LATS2: variants seen among roughly 807,000 people sequenced by gnomAD.
LATS2 encodes the protein serine/threonine-protein kinase LATS2.
In LATS2, 24 loss-of-function variants were observed where a neutral mutation model predicts 76.0. The observed-to-expected ratio is 0.32, with a 90% CI of 0.23 to 0.44. The LOEUF (loss-of-function observed/expected upper bound fraction) is 0.44, where lower values mean the gene tolerates loss of function less well. LATS2 is among the 20% of genes least tolerant of loss of function. The pLI is 1.00. For missense variants in LATS2, 1,286 were observed against 1,481.2 expected (o/e 0.87, Z 2.16); for synonymous variants, 692 against 635.4 (o/e 1.09, Z -1.34).
intron 1 of LATS2, 115 bp from the exon 2 acceptor site, chr13:21,046,345 A>C (rs924659998): frequency 3.4e-6 from 1 of 294,178 alleles, no homozygotes; most frequent in Non-Finnish European, 6.4e-6. Context: ...GAAAGAAAAG[A>C]AAGAACGCAT....
Position 21,018,888 on chromosome 13 carries a change from C to T in LATS2, c.342+26797G>A, listed in dbSNP as rs191960793. Among the ~76,000 whole-genome samples the T allele has an allele frequency of 5.6e-4, 86 of 152,222 alleles. 1 individual carries two copies. The East Asian group carries it at 0.013, about 22-fold the overall frequency. ...CTTGAACTCCCGACCTCAAATAATC[C>T]GCCTGCCTTGGCCTCCCCAAGTGCT... On this transcript the variant is annotated intron_variant, in intron 2 of 7. Coordinates refer to ENST00000382592, the MANE Select transcript of LATS2 (RefSeq NM_014572.3).
At chr13:21,059,001 T>A (rs1873537175) in intron 1 of LATS2, among the ~76,000 whole-genome samples, 1 of 151,886 alleles carries the variant, frequency 6.6e-6, no homozygotes, top group Non-Finnish European at 1.5e-5. Flanking sequence ...TAGCACAAAT[T>A]TCCTAATAAT....
intron 2 of LATS2, among the ~76,000 whole-genome samples, chr13:20,993,145 C>T (rs563171124): frequency 6.6e-6 from 1 of 151,974 alleles, no homozygotes; most frequent in African/African-American, 2.4e-5. Context: ...TGGCCATGGT[C>T]ACAGAGCCAC....
intron 2 of LATS2, among the ~76,000 whole-genome samples, chr13:21,024,531 A>ATATCTAAAAGTTGAGTATGGCCC (rs1304112781): frequency 3.3e-5 from 5 of 152,072 alleles, no homozygotes; most frequent in African/African-American, 1.2e-4. Context: ...TCGCCAGGGC[A>ATATCTAAAAGTTGAGTATGGCCC]TATCTAAAAG....
At chr13:20,998,942 C>T (rs1870901062) in intron 2 of LATS2, among the ~76,000 whole-genome samples, 1 of 149,856 alleles carries the variant, frequency 6.7e-6, no homozygotes, top group Admixed American at 6.6e-5. Context: ...ACCTTGCGCA[C>T]ACGGCGCAAG....
In LATS2 at chr13:21,030,612, GAA is replaced by G. The variant is rs373077961; in HGVS notation, c.342+15071_342+15072del. ...GTCTCAAAAAAAAAAAAAAAAAAAA[GAA>G]AAAAAAAAAGAAAAAGAACTCTACA... is the stretch of plus-strand genomic sequence containing the variant. On this transcript the variant is annotated intron_variant, in intron 2 of 7. Coordinates refer to ENST00000382592, the MANE Select transcript of LATS2 (RefSeq NM_014572.3). 3.3e-4 allele frequency among the ~76,000 whole-genome samples: 41 copies of G among 124,056 alleles called. No homozygotes were observed. In the East Asian group the frequency reaches 7.4e-3, roughly 23 times the overall value. 81.4% of individuals were successfully genotyped at this position (124,056 alleles called of 152,430 possible).
chr13:20,984,631 G>A (rs1870062045), intron 4 of LATS2, among the ~76,000 whole-genome samples: 2 of 152,004 alleles, frequency 1.3e-5, no homozygotes, highest in South Asian at 4.2e-4. Context: ...AAGTGAAAGA[G>A]CTCTACAAAG....
rs774211442 is a variant in LATS2, at chr13:20,988,181, C to T, written c.1599G>A (p.Leu533=). The part of the protein sequence containing the change: ...LLRSKSEQYD[L]DSLCAGMEQS... Reference sequence around the variant, plus strand: ...GCTCCATGCCTGCGCACAGGCTGTCCAGGTCGTACTGCTCCGACTTGCTGC... The same window carrying T: ...GCTCCATGCCTGCGCACAGGCTGTCTAGGTCGTACTGCTCCGACTTGCTGC... The change falls in exon 4 of 8, where the codon CTG becomes CTA. Residue 533 remains leucine (L), a synonymous_variant. Transcript: ENST00000382592. 11 of 1,613,506 alleles carry T rather than the reference C, an allele frequency of 6.8e-6. No individual in the cohort carries two copies. In the African/African-American group the frequency reaches 1.3e-4, roughly 20 times the overall value.
At chr13:21,042,638 GACC>G (rs1384723535) in intron 2 of LATS2, among the ~76,000 whole-genome samples, 1 of 151,976 alleles carries the variant, frequency 6.6e-6, no homozygotes, top group Non-Finnish European at 1.5e-5. Context: ...AGTGAGCATT[GACC>G]TCACCACCAC....
chr13:20,993,766 A>G (rs931192799), intron 2 of LATS2, among the ~76,000 whole-genome samples: 4 of 152,146 alleles, frequency 2.6e-5, no homozygotes, highest in East Asian at 1.9e-4. Context: ...ACCACCGCCT[A>G]CTTCGGGAGC....
intron 2 of LATS2, among the ~76,000 whole-genome samples, chr13:21,019,396 A>G (rs1308456829): frequency 6.7e-6 from 1 of 149,574 alleles, no homozygotes; most frequent in Non-Finnish European, 1.5e-5. Context: ...GCGCAATCTC[A>G]GCTCACTGCA....
rs140414086 is a variant in LATS2, at chr13:20,989,929, C to T, written c.476-625G>A. Among the ~76,000 whole-genome samples the T allele has an allele frequency of 1.3e-3, 194 of 152,348 alleles. 1 individual carries two copies. The highest frequency in any genetic ancestry group is 4.5e-3 in the African/African-American group (189 of 41,580). Reference sequence around the variant, plus strand: ...TCATCTGCTGCTACCTTAATCCTGACCTCCATTTTGTACATCTCATCTGAA... The same window carrying T: ...TCATCTGCTGCTACCTTAATCCTGATCTCCATTTTGTACATCTCATCTGAA... On this transcript the variant is annotated intron_variant, in intron 3 of 7. Transcript: ENST00000382592.
chr13:21,060,207 G>C (rs1210979204), intron 1 of LATS2, among the ~76,000 whole-genome samples: 2 of 152,140 alleles, frequency 1.3e-5, no homozygotes, highest in African/African-American at 4.8e-5. Flanking sequence ...TCACAAACGG[G>C]TTTGCTCCAG....
At chr13:21,027,225 T>A (rs1182907678) in intron 2 of LATS2, among the ~76,000 whole-genome samples, 2 of 152,252 alleles carry the variant, frequency 1.3e-5, no homozygotes, top group Non-Finnish European at 1.5e-5. Context: ...AAACATCCAA[T>A]CTACCAGTTT....
Position 20,989,074 on chromosome 13 carries a change from C to G in LATS2, c.706G>C (p.Gly236Arg). The stretch of plus-strand genomic sequence containing the variant: ...GCCCCTGCTGCCTCTACGCTGGCAC[C>G]GTAGCCCTTGGGTGGGTGCTGGTGC... ...HQHQHPPKGY[G>R]ASVEAAGAHF... is the part of the protein sequence containing the mutation. Residue 236 changes from glycine to arginine, a missense_variant, in exon 4 of 8, where the codon GGT (glycine) becomes CGT (arginine). By Grantham distance (125) the Gly-to-Arg change is moderately radical (BLOSUM62 -2). Transcript: ENST00000382592. The G allele has an allele frequency of 6.3e-7, 1 of 1,591,612 alleles. No homozygotes were observed. The highest frequency in any genetic ancestry group is 8.5e-7 in the Non-Finnish European group (1 of 1,172,202).
At position 20,988,295 on chromosome 13, in the gene LATS2, G is replaced by T; in HGVS notation, c.1485C>A (p.Gly495=). 2 of 1,576,932 alleles carry T rather than the reference G, an allele frequency of 1.3e-6. No homozygotes were observed. The highest frequency in any genetic ancestry group is 1.7e-6 in the Non-Finnish European group (2 of 1,170,492). The change falls in exon 4 of 8, where the codon GGC becomes GGA. Residue 495 remains glycine (G), a synonymous_variant. Coordinates refer to ENST00000382592, the MANE Select transcript of LATS2 (RefSeq NM_014572.3). ...DAKEEHALAL[G]GAGAFPLDVE... is the part of the protein sequence containing the mutation. ...CGTCCAGCGGGAAGGCGCCTGCGCC[G>T]CCCAGCGCCAGGGCATGCTCCTCCT...
chr13:21,027,987 A>T (rs1872376051), intron 2 of LATS2, among the ~76,000 whole-genome samples: 2 of 152,030 alleles, frequency 1.3e-5, no homozygotes, highest in Admixed American at 1.3e-4. Flanking sequence ...TGTGCCGGTT[A>T]GTTACATATG....
At chr13:21,040,537 A>G (rs1291116653) in intron 2 of LATS2, among the ~76,000 whole-genome samples, 1 of 152,226 alleles carries the variant, frequency 6.6e-6, no homozygotes, top group Non-Finnish European at 1.5e-5. Flanking sequence ...ATAGGTGGTG[A>G]TACTTCCAAC....
At chr13:21,031,365 A>C (rs1018280021) in intron 2 of LATS2, among the ~76,000 whole-genome samples, 2 of 152,148 alleles carry the variant, frequency 1.3e-5, no homozygotes, top group African/African-American at 4.8e-5. Context: ...CAAGTCACTG[A>C]GATTTCTGTT....
Sources: gnomAD v4.1 joint callset for allele counts (sites outside exome capture counted in the v4.1 genomes callset) on GRCh38, gnomAD v4.1.1 for gene constraint, MANE v1.5 for transcripts, NCBI Gene and HGNC (gene_info 2026-07-23, HGNC 2026-07-21) for gene names.